CPA6: variants seen among roughly 807,000 people sequenced by gnomAD.
CPA6 encodes the protein carboxypeptidase B.
A neutral mutation model predicts 63.3 loss-of-function variants in CPA6; 58 were observed. The observed-to-expected ratio is 0.92, with a 90% CI of 0.74 to 1.14. The LOEUF is 1.14. Ranked by LOEUF, CPA6 falls within the 50% of genes most tolerant of loss-of-function variation. The pLI, the probability that CPA6 is intolerant of heterozygous loss-of-function variation, is 0.00. For synonymous variants in CPA6, 185 were observed against 179.0 expected, an observed-to-expected ratio of 1.03 and a Z score of -0.27; for missense variants, 565 against 526.6, an observed-to-expected ratio of 1.07 and a Z score of -0.71.
At chr8:67,688,357 T>C (rs893933348) in intron 1 of CPA6, among the ~76,000 whole-genome samples, 5 of 152,074 alleles carry the variant, frequency 3.3e-5, no homozygotes, top group African/African-American at 1.2e-4. Flanking sequence ...TAATGAATAT[T>C]TGAGAAGGTC....
intron 8 of CPA6, among the ~76,000 whole-genome samples, chr8:67,435,248 G>A (rs1478217894): frequency 1.3e-5 from 2 of 152,164 alleles, no homozygotes; most frequent in Non-Finnish European, 2.9e-5. Flanking sequence ...GGAGGGAGAG[G>A]CCCTGGGCCT....
rs113112451 is a variant in CPA6 at position 67,712,091 on chromosome 8, C to T, written c.116+33923G>A. Among the ~76,000 whole-genome samples the T allele has an allele frequency of 5.6e-4, 86 of 152,248 alleles. 1 individual carries two copies. Among genetic ancestry groups the T allele is most frequent in the Middle Eastern group, 3.4e-3 (1 of 294 alleles). On this transcript the variant is annotated intron_variant, in intron 1 of 10. Transcript: ENST00000297770. ...ACACTGATATGTGCGCTTGTGCCACCGAGCTCGACCTGTGCAGGAGGGATG... is the reference window on the plus strand; with the variant it reads ...ACACTGATATGTGCGCTTGTGCCACTGAGCTCGACCTGTGCAGGAGGGATG...
intron 8 of CPA6, among the ~76,000 whole-genome samples, chr8:67,473,555 T>G (rs1811109507): frequency 1.3e-5 from 2 of 151,914 alleles, no homozygotes; most frequent in African/African-American, 2.4e-5. Context: ...CTGGTCAGAG[T>G]TTCATGAAAA....
intron 1 of CPA6, among the ~76,000 whole-genome samples, chr8:67,723,456 C>T (rs775521056): frequency 2.1e-4 from 32 of 152,160 alleles, no homozygotes; most frequent in African/African-American, 7.7e-4. Context: ...CGTGAGCCAC[C>T]GTGCGTGGCG....
At chr8:67,602,652 C>T (rs1564019128) in intron 2 of CPA6, among the ~76,000 whole-genome samples, 1 of 152,186 alleles carries the variant, frequency 6.6e-6, no homozygotes, top group Non-Finnish European at 1.5e-5. Flanking sequence ...TGACAGTTCA[C>T]TGCCAGATCT....
chr8:67,551,692 T>C (rs1214547986), intron 2 of CPA6, among the ~76,000 whole-genome samples: 1 of 152,230 alleles, frequency 6.6e-6, no homozygotes, highest in African/African-American at 2.4e-5. Flanking sequence ...CATCTATGAT[T>C]TCTTTTCGCA....
chr8:67,597,628 A>G (rs896653976), intron 2 of CPA6, among the ~76,000 whole-genome samples: 1 of 151,928 alleles, frequency 6.6e-6, no homozygotes, highest in African/African-American at 2.4e-5. Flanking sequence ...AAACCTATCC[A>G]CTGAGTTTCT....
intron 1 of CPA6, among the ~76,000 whole-genome samples, chr8:67,706,188 A>C (rs894169977): frequency 6.6e-6 from 1 of 152,202 alleles, no homozygotes; most frequent in Non-Finnish European, 1.5e-5. Flanking sequence ...AACTACTATG[A>C]CTTTTAATTG....
At position 67,514,618 on chromosome 8, in the gene CPA6, C is replaced by T. The variant is rs545582600; in HGVS notation, c.318-2963G>A. ...GAAGAGGCAACTGATTTAAAACACT[C>T]ATTTTTTAGACTTTATTCTCTGTGA... On this transcript the variant is annotated intron_variant, in intron 3 of 10. Transcript: ENST00000297770. Among the ~76,000 whole-genome samples the T allele has an allele frequency of 4.9e-4, 75 of 152,302 alleles. 1 individual carries two copies. In the South Asian group the frequency reaches 9.1e-3, roughly 18 times the overall value.
chr8:67,651,729 C>A (rs1223042740), intron 1 of CPA6, among the ~76,000 whole-genome samples: 1 of 151,702 alleles, frequency 6.6e-6, no homozygotes, highest in East Asian at 1.9e-4. Flanking sequence ...GAGAGCTATT[C>A]TATTTTTTTT....
intron 1 of CPA6, among the ~76,000 whole-genome samples, chr8:67,647,343 T>A (rs1815735292): frequency 6.6e-6 from 1 of 152,062 alleles, no homozygotes; most frequent in Admixed American, 6.5e-5. Flanking sequence ...ATCTTTTTTT[T>A]TTTTTTAAAT....
chr8:67,509,893 G>T (rs754436104), intron 4 of CPA6, among the ~76,000 whole-genome samples: 1 of 151,970 alleles, frequency 6.6e-6, no homozygotes, highest in Non-Finnish European at 1.5e-5. Context: ...TAATATACGG[G>T]TAACAGATTT....
chr8:67,607,992 G>A (rs1417758076), intron 2 of CPA6, among the ~76,000 whole-genome samples: 2 of 152,164 alleles, frequency 1.3e-5, no homozygotes, highest in Admixed American at 6.5e-5. Context: ...GGAGTGATTT[G>A]AGGATCCAGA....
chr8:67,534,533 G>C (rs1812543839), intron 2 of CPA6, among the ~76,000 whole-genome samples: 1 of 152,096 alleles, frequency 6.6e-6, no homozygotes, highest in South Asian at 2.1e-4. Flanking sequence ...TGAATAACCT[G>C]TACTTTCCTG....
intron 1 of CPA6, among the ~76,000 whole-genome samples, chr8:67,711,440 C>T (rs991377188): frequency 1.3e-5 from 2 of 152,172 alleles, no homozygotes; most frequent in Non-Finnish European, 1.5e-5. Flanking sequence ...GTTTTTAACT[C>T]ATGGTACTGA....
intron 2 of CPA6, among the ~76,000 whole-genome samples, chr8:67,572,427 AGCCAGAAT>A (rs1813508959): frequency 1.3e-5 from 2 of 152,196 alleles, no homozygotes; most frequent in African/African-American, 4.8e-5. Context: ...CCTATTATAA[AGCCAGAAT>A]GCCCCTCAAG....
intron 2 of CPA6, among the ~76,000 whole-genome samples, chr8:67,605,531 C>CTTTTTTTTTTTTTTTTTT (rs68153641): frequency 1.6e-5 from 2 of 125,268 alleles, no homozygotes; most frequent in African/African-American, 3.0e-5. Flanking sequence ...TATTGTATTG[C>CTTTTTTTTTTTTTTTTTT]TTTTTTTTTT....
chr8:67,486,859 G>C (rs1441085968), intron 6 of CPA6, among the ~76,000 whole-genome samples: 1 of 151,156 alleles, frequency 6.6e-6, no homozygotes, highest in African/African-American at 2.4e-5. Context: ...TTTTGTTGTT[G>C]TTGACTTAAC....
At chr8:67,737,934 C>T (rs1458707188) in intron 1 of CPA6, among the ~76,000 whole-genome samples, 1 of 152,188 alleles carries the variant, frequency 6.6e-6, no homozygotes, top group Non-Finnish European at 1.5e-5. Flanking sequence ...TCTGCTTCCT[C>T]ATATATTGTA....
Sources: allele counts gnomAD v4.1 joint callset (sites outside exome capture counted in the v4.1 genomes callset), GRCh38; gene constraint gnomAD v4.1.1; transcripts MANE v1.5; gene names NCBI Gene and HGNC (gene_info 2026-07-23, HGNC 2026-07-21).